GRID1: variants seen among roughly 807,000 people sequenced by gnomAD.
GRID1 encodes the protein glutamate receptor ionotropic, delta-1.
In GRID1, 28 loss-of-function variants were observed where a neutral mutation model predicts 98.0. The observed-to-expected ratio is 0.29, with a 90% CI of 0.21 to 0.39. The LOEUF is 0.39. Among genes scored for constraint, GRID1 ranks in the 10% least tolerant of loss-of-function variants. GRID1 has a pLI of 1.00. For synonymous variants in GRID1, 553 were observed against 538.5 expected (o/e 1.03, Z -0.37); for missense variants, 1,111 against 1,340.5 (o/e 0.83, Z 2.67).
intron 5 of GRID1, among the ~76,000 whole-genome samples, chr10:85,904,812 T>C (rs1203467256): frequency 1.3e-5 from 2 of 149,148 alleles, no homozygotes; most frequent in Admixed American, 6.6e-5. Context: ...TTACACAAAA[T>C]AAAATAGAAA....
At chr10:85,869,481 T>C (rs1378657755) in intron 5 of GRID1, among the ~76,000 whole-genome samples, 2 of 152,186 alleles carry the variant, frequency 1.3e-5, no homozygotes, top group African/African-American at 4.8e-5. Context: ...TAAAAGGTCA[T>C]GGTAGACATT....
Position 86,064,757 on chromosome 10 carries a change from C to A in GRID1, c.726+74062G>T, listed in dbSNP as rs565509706. The stretch of plus-strand genomic sequence containing the variant: ...AAGCCTCACACTTCCCCACTCAGAG[C>A]ATCTTATTCCAGGCATTTGCACCTG... On this transcript the variant is annotated intron_variant, in intron 4 of 15. Coordinates refer to ENST00000327946, the MANE Select transcript of GRID1 (RefSeq NM_017551.3). Among the ~76,000 whole-genome samples, 9 of 152,304 alleles carry A rather than the reference C, an allele frequency of 5.9e-5. No individual in the cohort carries two copies. The South Asian group carries it at 1.9e-3, about 32-fold the overall frequency.
chr10:86,103,241 C>T (rs1190901654), intron 4 of GRID1, among the ~76,000 whole-genome samples: 1 of 152,180 alleles, frequency 6.6e-6, no homozygotes, highest in Admixed American at 6.5e-5. Flanking sequence ...CTGTGTGCAA[C>T]AGAGGTGGAG....
intron 6 of GRID1, among the ~76,000 whole-genome samples, chr10:85,862,864 C>T (rs536508993): frequency 6.8e-4 from 104 of 152,288 alleles, no homozygotes; most frequent in African/African-American, 2.2e-3. Flanking sequence ...AATAAGGAAC[C>T]AAGACCCAGA....
chr10:85,619,955 C>G lies in GRID1; in HGVS notation c.2272G>C (p.Val758Leu). Residue 758 changes from valine to leucine, a missense_variant, in exon 14 of 16, where the codon GTG becomes CTG. By Grantham distance (32) the Val-to-Leu change is conservative. This residue lies in a region of GRID1 where 762 missense variants were observed against 869.1 expected (regional missense o/e 0.88). Coordinates refer to ENST00000327946, the MANE Select transcript of GRID1 (RefSeq NM_017551.3). Reference protein sequence around the residue: ...YAALTDDDCSVTVIGNSISSK... With the variant: ...YAALTDDDCSLTVIGNSISSK... ...CTGATGCTGTTGCCGATGACAGTCA[C>G]CGAGCAGTCGTCATCCGTCAGGGCT... 1 of 1,614,108 alleles carries G rather than the reference C, an allele frequency of 6.2e-7. No individual in the cohort carries two copies. Among genetic ancestry groups the G allele is most frequent in the Non-Finnish European group, 8.5e-7 (1 of 1,179,946 alleles).
At position 86,206,199 on chromosome 10, in the gene GRID1, C is replaced by A. The variant is rs548007890; in HGVS notation, c.520+165G>T. ...ATACCTATCTATGGAGCTGTTGTTG[C>A]AGCTCTTCCTGACTCATGAAGCTCG... On this transcript the variant is annotated intron_variant, in intron 3 of 15. Transcript: ENST00000327946. The surrounding 1 kb of genome is among the most constrained non-coding windows in gnomAD (Gnocchi z 4.1). Among the ~76,000 whole-genome samples, 2 of 152,292 alleles carry A rather than the reference C, an allele frequency of 1.3e-5. No homozygotes were observed. Among genetic ancestry groups the A allele is most frequent in the South Asian group, 4.1e-4 (2 of 4,828 alleles).
chr10:85,980,358 T>C (rs1842529753), intron 4 of GRID1, among the ~76,000 whole-genome samples: 1 of 152,276 alleles, frequency 6.6e-6, no homozygotes, highest in South Asian at 2.1e-4. Flanking sequence ...AGTGGGACTG[T>C]GATGCCTTAT....
rs984199110 is a variant in GRID1, at chr10:85,985,438, T to C, written c.727-69199A>G. The stretch of plus-strand genomic sequence containing the variant: ...GCAGGTGACACCTGAATTTGATCGA[T>C]AAATTAGGAGCAGCCCCTGTGAATC... On this transcript the variant is annotated intron_variant, in intron 4 of 15. Coordinates refer to ENST00000327946, the MANE Select transcript of GRID1 (RefSeq NM_017551.3). Among the ~76,000 whole-genome samples the C allele has an allele frequency of 5.9e-5, 9 of 152,204 alleles. No individual in the cohort carries two copies. The East Asian group carries it at 1.7e-3, about 29-fold the overall frequency.
intron 8 of GRID1, among the ~76,000 whole-genome samples, chr10:85,852,818 T>C (rs994779032): frequency 6.6e-6 from 1 of 151,962 alleles, no homozygotes; most frequent in African/African-American, 2.4e-5. Context: ...ACAGACATCA[T>C]AGGCCAGCCC....
chr10:86,341,560 G>C (rs1848311085), intron 2 of GRID1, among the ~76,000 whole-genome samples: 1 of 152,220 alleles, frequency 6.6e-6, no homozygotes, highest in Non-Finnish European at 1.5e-5. Flanking sequence ...TCCCTCTCCT[G>C]CGGCTCCCAG....
intron 2 of GRID1, among the ~76,000 whole-genome samples, chr10:86,286,313 G>C (rs1046816223): frequency 6.6e-6 from 1 of 152,172 alleles, no homozygotes; most frequent in Non-Finnish European, 1.5e-5. Flanking sequence ...ACTGACCTGA[G>C]TGCTGTGCCT....
Position 85,989,353 on chromosome 10 carries a change from G to A in GRID1, c.727-73114C>T, listed in dbSNP as rs532062746. Among the ~76,000 whole-genome samples the A allele has an allele frequency of 3.9e-5, 6 of 152,306 alleles. No homozygotes were observed. The South Asian group carries it at 1.2e-3, about 32-fold the overall frequency. On this transcript the variant is annotated intron_variant, in intron 4 of 15. Transcript: ENST00000327946. ...CTAAAATCTGGGGAATCAAAAACAT[G>A]ATTAATACAGAGGGGTCCACAGCAG...
intron 2 of GRID1, among the ~76,000 whole-genome samples, chr10:86,286,519 C>T (rs904136947): frequency 2.6e-5 from 4 of 152,192 alleles, no homozygotes; most frequent in Admixed American, 2.0e-4. Flanking sequence ...AGTGAGGCCA[C>T]GAGAAGCCAG....
chr10:86,190,546 G>C (rs1271799664), intron 3 of GRID1, among the ~76,000 whole-genome samples: 1 of 152,212 alleles, frequency 6.6e-6, no homozygotes, highest in East Asian at 1.9e-4. Flanking sequence ...TTAGGTCCCA[G>C]ATGAACCAAA....
Position 86,113,120 on chromosome 10 carries a change from C to T in GRID1, c.726+25699G>A, listed in dbSNP as rs11813558. 3.4e-3 allele frequency among the ~76,000 whole-genome samples: 519 copies of T among 152,294 alleles called. 2 individuals are homozygous for T. Among genetic ancestry groups the T allele is most frequent in the African/African-American group, 0.012 (498 of 41,564 alleles). On this transcript the variant is annotated intron_variant, in intron 4 of 15. Transcript: ENST00000327946. ...CAATGATATTTGTTCTGCTTTCATGCTTGCCTTCTTAAAGACTCTTCACAG... is the reference window on the plus strand; with the variant it reads ...CAATGATATTTGTTCTGCTTTCATGTTTGCCTTCTTAAAGACTCTTCACAG...
chr10:85,902,627 G>T (rs36065355), intron 5 of GRID1, among the ~76,000 whole-genome samples: 70 of 152,174 alleles, frequency 4.6e-4, no homozygotes, highest in African/African-American at 1.5e-3. Context: ...GGAAGATAAG[G>T]GGGGAGCCGT....
At chr10:86,262,468 C>G (rs1847030684) in intron 2 of GRID1, among the ~76,000 whole-genome samples, 1 of 152,202 alleles carries the variant, frequency 6.6e-6, no homozygotes, top group Non-Finnish European at 1.5e-5. Context: ...CCCAGCCGGA[C>G]AGCAGCCTCC....
intron 4 of GRID1, among the ~76,000 whole-genome samples, chr10:86,096,949 T>A (rs746645466): frequency 2.6e-5 from 4 of 152,112 alleles, no homozygotes; most frequent in Admixed American, 2.6e-4. Context: ...ACTAGCAAAA[T>A]TTTTGCTTCC....
At chr10:85,720,064 CTT>C (rs1229463422) in intron 12 of GRID1, among the ~76,000 whole-genome samples, 1 of 152,002 alleles carries the variant, frequency 6.6e-6, no homozygotes, top group Non-Finnish European at 1.5e-5. Context: ...AATAAATAAA[CTT>C]AGCAAAAGAT....
Sources: allele counts gnomAD v4.1 joint callset (sites outside exome capture counted in the v4.1 genomes callset), GRCh38; gene constraint gnomAD v4.1.1; regional missense constraint gnomAD v4.1.1; non-coding constraint Gnocchi (gnomAD v3.1); transcripts MANE v1.5; gene names NCBI Gene and HGNC (gene_info 2026-07-23, HGNC 2026-07-21).